KAZN: variants seen among roughly 807,000 people sequenced by gnomAD.
KAZN encodes the protein kazrin, periplakin interacting protein.
KAZN carries 40 observed loss-of-function variants against 87.4 expected under a neutral mutation model. The ratio of observed to expected loss-of-function variants is 0.46; its 90% CI spans 0.36 to 0.60. The LOEUF is 0.60. Among genes scored for constraint, KAZN ranks in the 20% least tolerant of loss-of-function variants. The pLI, the probability that KAZN is intolerant of heterozygous loss-of-function variation, is 0.00. For synonymous variants in KAZN, 466 were observed against 458.3 expected (o/e 1.02, Z -0.22); for missense variants, 898 against 1,073.9 (o/e 0.84, Z 2.29).
At chr1:14,976,976 A>AC (rs1665698932) in intron 2 of KAZN, among the ~76,000 whole-genome samples, 1 of 152,108 alleles carries the variant, frequency 6.6e-6, no homozygotes, top group African/African-American at 2.4e-5. Context: ...GATCACGTGA[A>AC]CCCGGGAGGC....
At chr1:14,501,165 T>C (rs1670230638) in intron 2 of KAZN, among the ~76,000 whole-genome samples, 1 of 151,676 alleles carries the variant, frequency 6.6e-6, no homozygotes, top group Non-Finnish European at 1.5e-5. Context: ...AACATGATAC[T>C]TAATGGTGAA....
At chr1:14,997,269 T>G (rs1481757530) in intron 2 of KAZN, among the ~76,000 whole-genome samples, 1 of 151,524 alleles carries the variant, frequency 6.6e-6, no homozygotes, top group African/African-American at 2.4e-5. Flanking sequence ...AGACAAAGTT[T>G]CACTCTTGTT....
At chr1:14,500,329 C>T (rs745995241) in intron 2 of KAZN, among the ~76,000 whole-genome samples, 54 of 152,234 alleles carry the variant, frequency 3.5e-4, no homozygotes, top group African/African-American at 6.0e-4. Flanking sequence ...TATTCCCAAA[C>T]GTATTTGCAC....
intron 1 of KAZN, among the ~76,000 whole-genome samples, chr1:14,741,066 C>T (rs1644083886): frequency 6.6e-6 from 1 of 152,206 alleles, no homozygotes; most frequent in Admixed American, 6.5e-5. Flanking sequence ...CTCACTCTCT[C>T]CCTTGTGCTA....
intron 1 of KAZN, among the ~76,000 whole-genome samples, chr1:13,963,756 GGTCTGTGT>G (rs1272816024): frequency 0.034 from 3,971 of 117,086 alleles, 155 homozygotes; most frequent in African/African-American, 0.12. Context: ...TTTCTGCTGT[GGTCTGTGT>G]GTGTGTGTGT....
chr1:14,917,515 C>G (rs1657940106), intron 1 of KAZN, among the ~76,000 whole-genome samples: 1 of 152,174 alleles, frequency 6.6e-6, no homozygotes, highest in African/African-American at 2.4e-5. Flanking sequence ...GTTTCACTAG[C>G]CCAGTTTTTG....
chr1:14,073,532 T>C (rs1187949214), intron 1 of KAZN, among the ~76,000 whole-genome samples: 2 of 152,196 alleles, frequency 1.3e-5, no homozygotes, highest in African/African-American at 4.8e-5. Flanking sequence ...GTATTTCTCC[T>C]AATGCTATCC....
intron 1 of KAZN, among the ~76,000 whole-genome samples, chr1:14,709,139 A>C (rs1642362176): frequency 6.6e-6 from 1 of 152,186 alleles, no homozygotes; most frequent in African/African-American, 2.4e-5. Flanking sequence ...CCCTAACGGC[A>C]CAGATGAATC....
chr1:14,523,892 GAATAA>G (rs765731019), intron 2 of KAZN, among the ~76,000 whole-genome samples: 23 of 152,236 alleles, frequency 1.5e-4, no homozygotes, highest in Non-Finnish European at 2.2e-4. Flanking sequence ...ACATGAGATG[GAATAA>G]AAATGCCACA....
At chr1:14,476,789 C>T (rs528276208) in intron 2 of KAZN, among the ~76,000 whole-genome samples, 6 of 152,176 alleles carry the variant, frequency 3.9e-5, no homozygotes, top group Non-Finnish European at 8.8e-5. Flanking sequence ...TTCTTTGCTG[C>T]ACCCACAGGA....
At chr1:14,158,424 A>G (rs1645642751) in intron 1 of KAZN, among the ~76,000 whole-genome samples, 1 of 151,764 alleles carries the variant, frequency 6.6e-6, no homozygotes, top group Non-Finnish European at 1.5e-5. Context: ...TGCCAATTGC[A>G]TTATTCAGCT....
chr1:14,490,095 CTT>C (rs1669568631), intron 2 of KAZN, among the ~76,000 whole-genome samples: 1 of 152,184 alleles, frequency 6.6e-6, no homozygotes, highest in African/African-American at 2.4e-5. Flanking sequence ...CATTCAGCAT[CTT>C]TTTGTGCTGG....
intron 1 of KAZN, among the ~76,000 whole-genome samples, chr1:13,957,580 G>T (rs1287093268): frequency 6.6e-6 from 1 of 152,160 alleles, no homozygotes; most frequent in African/African-American, 2.4e-5. Flanking sequence ...TCAGGATTGG[G>T]CATCTGCATC....
chr1:14,488,915 T>A (rs6673996), intron 2 of KAZN, among the ~76,000 whole-genome samples: 22,642 of 152,180 alleles, frequency 0.15, 2,100 homozygotes, highest in East Asian at 0.42. Context: ...AGGATTCATT[T>A]CTTGTCCATC....
At chr1:14,578,145 T>C (rs1675307932) in intron 2 of KAZN, among the ~76,000 whole-genome samples, 1 of 152,140 alleles carries the variant, frequency 6.6e-6, no homozygotes, top group East Asian at 1.9e-4. Context: ...CTATTATTCG[T>C]ATAGAATATC....
chr1:15,094,465 C>G lies in KAZN; in HGVS notation c.1428+80C>G, dbSNP rs545207964. ...CGTACCCAGAAGCTGGCCTGCCCCC[C>G]ACTCCTACCCTGGAGTCAGGAGAAG... On this transcript the variant is annotated intron_variant, in intron 9 of 14. Transcript: ENST00000376030. This position sits in a 1 kb window ranked among gnomAD's most constrained non-coding sequence, Gnocchi z 4.5. 18 of 1,316,882 alleles carry G rather than the reference C, an allele frequency of 1.4e-5. No individual in the cohort carries two copies. Among genetic ancestry groups the G allele is most frequent in the Non-Finnish European group, 1.9e-5 (18 of 948,174 alleles). The allele number at this position is 1,316,882 out of a possible 1,614,324, so 81.6% of individuals were successfully genotyped here.
intron 1 of KAZN, among the ~76,000 whole-genome samples, chr1:13,945,115 A>G (rs1192529186): frequency 1.3e-5 from 2 of 152,192 alleles, no homozygotes; most frequent in African/African-American, 4.8e-5. Flanking sequence ...GAAACATTTC[A>G]TAATAATAAC....
intron 2 of KAZN, among the ~76,000 whole-genome samples, chr1:14,982,058 T>C (rs1162371640): frequency 6.6e-6 from 1 of 152,324 alleles, no homozygotes; most frequent in Non-Finnish European, 1.5e-5. Flanking sequence ...TGTGCCAGGC[T>C]GTCTGCATAC....
chr1:14,523,605 C>A (rs1292812214), intron 2 of KAZN, among the ~76,000 whole-genome samples: 1 of 152,236 alleles, frequency 6.6e-6, no homozygotes, highest in Non-Finnish European at 1.5e-5. Context: ...TGAATCCCAG[C>A]ACTTCCTTCA....
Sources: allele counts gnomAD v4.1 joint callset (sites outside exome capture counted in the v4.1 genomes callset), GRCh38; gene constraint gnomAD v4.1.1; non-coding constraint Gnocchi (gnomAD v3.1); transcripts MANE v1.5; gene names NCBI Gene and HGNC (gene_info 2026-07-23, HGNC 2026-07-21).